The following ATP2B2 variants were observed in gnomAD, a reference collection of about 807,000 sequenced individuals.
ATP2B2 encodes the protein ATPase plasma membrane Ca2+ transporting 2.
A neutral mutation model predicts 120.0 loss-of-function variants in ATP2B2; 15 were observed. The observed-to-expected ratio is 0.12, with a 90% CI of 0.08 to 0.19. The LOEUF (loss-of-function observed/expected upper bound fraction) is 0.19, where lower values mean the gene tolerates loss of function less well. ATP2B2 is among the 10% of genes least tolerant of loss of function. The pLI is 1.00. For synonymous variants in ATP2B2, 694 were observed against 700.3 expected (o/e 0.99, Z 0.14); for missense variants, 1,045 against 1,719.8 (o/e 0.61, Z 6.94).
chr3:10,665,051 C>G (rs559168416), intron 1 of ATP2B2, among the ~76,000 whole-genome samples: 1 of 152,284 alleles, frequency 6.6e-6, no homozygotes, highest in East Asian at 1.9e-4. Context: ...ATGGTGGCTC[C>G]CTGTTGGGCT....
intron 1 of ATP2B2, among the ~76,000 whole-genome samples, chr3:10,637,082 C>A (rs1423807193): frequency 6.6e-6 from 1 of 152,202 alleles, no homozygotes; most frequent in Non-Finnish European, 1.5e-5. Flanking sequence ...CTTGCCTCAG[C>A]AGTGGGGAAC....
intron 1 of ATP2B2, among the ~76,000 whole-genome samples, chr3:10,485,556 C>T (rs2065611806): frequency 1.3e-5 from 2 of 152,206 alleles, no homozygotes; most frequent in African/African-American, 4.8e-5. Context: ...CCGTATGGAG[C>T]TTTCTAAAGC....
At chr3:10,359,704 A>G (rs2060840579) in intron 13 of ATP2B2, among the ~76,000 whole-genome samples, 178 bp downstream of exon 13, 2 of 152,162 alleles carry the variant, frequency 1.3e-5, no homozygotes, top group Admixed American at 1.3e-4. Flanking sequence ...AGTGAAGATG[A>G]GTCTTGCTGG....
chr3:10,496,052 C>T (rs545195048), intron 1 of ATP2B2, among the ~76,000 whole-genome samples: 2 of 152,332 alleles, frequency 1.3e-5, no homozygotes, highest in African/African-American at 2.4e-5. Flanking sequence ...ATGCCCTCTT[C>T]AGGATGCTCT....
At chr3:10,497,080 G>A (rs1409499946) in intron 1 of ATP2B2, among the ~76,000 whole-genome samples, 1 of 152,236 alleles carries the variant, frequency 6.6e-6, no homozygotes, top group Non-Finnish European at 1.5e-5. Flanking sequence ...TGGGCAGGGT[G>A]GGCATCCCAG....
chr3:10,426,725 C>T lies in ATP2B2; in HGVS notation c.200-15910G>A, dbSNP rs112053059. Among the ~76,000 whole-genome samples, 1,435 of 152,298 alleles carry T rather than the reference C, an allele frequency of 9.4e-3. 13 individuals carry two copies. The highest frequency in any genetic ancestry group is 0.014 in the Non-Finnish European group (975 of 68,028). ...GGTGAAATCCAGTATCAGAAATAAA[C>T]GCCAGGAAAGCGGAAGCCTTCATTT... On this transcript the variant is annotated intron_variant, in intron 2 of 22. Coordinates refer to ENST00000360273, the MANE Select transcript of ATP2B2 (RefSeq NM_001001331.4).
rs60670471 is a variant in ATP2B2, at chr3:10,585,493, G to GAAA, written c.-415+34421_-415+34423dup. ...TGGGCGACAGAGCGAGACTCCGTCT[G>GAAA]AAAAAAAAAAAAAAAAAAAAAAAAG... is the stretch of plus-strand genomic sequence containing the variant. On this transcript the variant is annotated intron_variant, in intron 2 of 21. Coordinates refer to the ATP2B2 transcript ENST00000646379. 4.0e-3 allele frequency among the ~76,000 whole-genome samples: 115 copies of GAAA among 28,496 alleles called. 8 individuals are homozygous for GAAA. Among genetic ancestry groups the GAAA allele is most frequent in the East Asian group, 0.016 (6 of 382 alleles). The allele number at this position is 28,496 out of a possible 152,430, so 18.7% of individuals were successfully genotyped here.
intron 6 of ATP2B2, among the ~76,000 whole-genome samples, chr3:10,386,974 T>C (rs2061700592): frequency 6.6e-6 from 1 of 152,108 alleles, no homozygotes; most frequent in Admixed American, 6.6e-5. Flanking sequence ...ATCTGGCCCA[T>C]AGAAGAGTCT....
chr3:10,557,134 T>TC (rs1215900897), intron 2 of ATP2B2, among the ~76,000 whole-genome samples: 2 of 152,202 alleles, frequency 1.3e-5, no homozygotes, highest in Non-Finnish European at 2.9e-5. Flanking sequence ...ATCTCTGGCC[T>TC]CCCAGCCTTG....
intron 3 of ATP2B2, among the ~76,000 whole-genome samples, chr3:10,405,355 C>T (rs2062373600): frequency 6.6e-6 from 1 of 152,210 alleles, no homozygotes; most frequent in Non-Finnish European, 1.5e-5. Flanking sequence ...GGCACTCACT[C>T]TGCCAGCAAA....
At chr3:10,653,807 C>T (rs550320225) in intron 1 of ATP2B2, among the ~76,000 whole-genome samples, 50 of 152,280 alleles carry the variant, frequency 3.3e-4, no homozygotes, top group African/African-American at 1.1e-3. Context: ...ATATCCTCCA[C>T]CCTCCAGCTT....
At chr3:10,554,267 C>G (rs2067732663) in intron 2 of ATP2B2, among the ~76,000 whole-genome samples, 1 of 152,166 alleles carries the variant, frequency 6.6e-6, no homozygotes, top group African/African-American at 2.4e-5. Flanking sequence ...CCCAAGGCCT[C>G]TCAGAAATGT....
intron 2 of ATP2B2, among the ~76,000 whole-genome samples, chr3:10,572,183 C>T (rs1276848859): frequency 1.3e-5 from 2 of 152,198 alleles, no homozygotes; most frequent in South Asian, 2.1e-4. Flanking sequence ...ATCAGCTGCC[C>T]GCTGGCCCAT....
In ATP2B2 at chr3:10,326,293, G is replaced by C. The variant is rs2059857352; in HGVS notation, c.*2521C>G. 6.3e-6 allele frequency: 1 copy of C among 157,844 alleles called. No individual in the cohort carries two copies. The highest frequency in any genetic ancestry group is 2.4e-5 in the African/African-American group (1 of 41,676). The allele number at this position is 157,844 out of a possible 1,614,324, so 9.8% of individuals were successfully genotyped here. A position where few individuals can be genotyped will look rare whatever the true frequency, so the allele number is the denominator to read the frequency against. Reference sequence around the variant, plus strand: ...TGTGTGTATGTGTGCAAGTGTGAGAGTGAGGGGGTGCATGTGTGCAAGCAT... The same window carrying C: ...TGTGTGTATGTGTGCAAGTGTGAGACTGAGGGGGTGCATGTGTGCAAGCAT... On this transcript the variant is annotated 3_prime_UTR_variant, in exon 23 of 23. Transcript: ENST00000360273.
intron 13 of ATP2B2, among the ~76,000 whole-genome samples, 169 bp from the exon 14 acceptor site, chr3:10,359,094 T>G (rs1252773989): frequency 6.6e-6 from 1 of 152,198 alleles, no homozygotes; most frequent in Non-Finnish European, 1.5e-5. Context: ...CTGCAATTTT[T>G]GCCCAGGCCA....
chr3:10,447,147 G>C (rs987852799), intron 2 of ATP2B2, among the ~76,000 whole-genome samples: 1 of 152,226 alleles, frequency 6.6e-6, no homozygotes, highest in Non-Finnish European at 1.5e-5. Flanking sequence ...CTACTCAGCT[G>C]TCTGAGAGCT....
At chr3:10,472,330 C>G (rs977272915) in intron 1 of ATP2B2, among the ~76,000 whole-genome samples, 3 of 152,054 alleles carry the variant, frequency 2.0e-5, no homozygotes, top group Non-Finnish European at 2.9e-5. Context: ...TGAGTTGGGT[C>G]TCAGGAGAGC....
intron 2 of ATP2B2, among the ~76,000 whole-genome samples, chr3:10,433,734 T>C (rs1023498897): frequency 1.3e-5 from 2 of 152,174 alleles, no homozygotes; most frequent in Admixed American, 6.5e-5. Context: ...CAGCAATCCA[T>C]GGAAGGTAGT....
intron 2 of ATP2B2, among the ~76,000 whole-genome samples, chr3:10,431,923 G>A (rs2063328805): frequency 6.6e-6 from 1 of 152,080 alleles, no homozygotes; most frequent in African/African-American, 2.4e-5. Context: ...GCTATTTATA[G>A]CAAAAGATAA....
Sources: gnomAD v4.1 joint callset for allele counts (sites outside exome capture counted in the v4.1 genomes callset) on GRCh38, gnomAD v4.1.1 for gene constraint, MANE v1.5 for transcripts, NCBI Gene and HGNC (gene_info 2026-07-23, HGNC 2026-07-21) for gene names.